The following RPS6KC1 variants were observed in gnomAD, a reference collection of about 807,000 sequenced individuals.
RPS6KC1 encodes the protein ribosomal protein S6 kinase C1.
RPS6KC1 carries 54 observed loss-of-function variants against 103.8 expected under a neutral mutation model. The ratio of observed to expected loss-of-function variants is 0.52; its 90% CI spans 0.42 to 0.65. RPS6KC1 has a LOEUF of 0.65. RPS6KC1 is among the 30% of genes least tolerant of loss of function. The pLI is 0.00. For synonymous variants in RPS6KC1, 439 were observed against 438.7 expected (o/e 1.00, Z -0.01); for missense variants, 1,151 against 1,253.8 (o/e 0.92, Z 1.24).
intron 8 of RPS6KC1, among the ~76,000 whole-genome samples, chr1:213,183,507 C>T (rs912761780): frequency 5.3e-5 from 8 of 151,800 alleles, no homozygotes; most frequent in Non-Finnish European, 1.0e-4. Flanking sequence ...ACAGGAAACT[C>T]GCCAAATACC....
chr1:213,540,844 C>CT, the RPS6KC1 span, among the ~76,000 whole-genome samples: 1 of 152,106 alleles, frequency 6.6e-6, no homozygotes. Flanking sequence ...ATTCTATATC[C>CT]TTTTTTGTCA....
chr1:213,602,092 CTTTCTTTCTTTCTTTCTT>C, the RPS6KC1 span, among the ~76,000 whole-genome samples: 2 of 36,438 alleles, frequency 5.5e-5, 1 homozygote, highest in African/African-American at 3.0e-4. Context: ...TTCTTTCTTT[CTTTCTTTCTTTCTTTCTT>C]TCTTTCTTTC....
the RPS6KC1 span, among the ~76,000 whole-genome samples, chr1:213,640,308 T>A: frequency 6.6e-6 from 1 of 151,982 alleles, no homozygotes. Context: ...TTTGTCAGTC[T>A]TCCTAGATGC....
chr1:213,435,449 GA>G, the RPS6KC1 span, among the ~76,000 whole-genome samples: 1 of 152,152 alleles, frequency 6.6e-6, no homozygotes, highest in Non-Finnish European at 1.5e-5. Flanking sequence ...TTGGGTACTA[GA>G]TATTTTTATA....
intron 8 of RPS6KC1, among the ~76,000 whole-genome samples, chr1:213,210,573 G>A (rs2093476169): frequency 1.3e-5 from 2 of 152,178 alleles, no homozygotes; most frequent in African/African-American, 2.4e-5. Flanking sequence ...TTGAGAATGA[G>A]TATTGTGCCT....
At chr1:213,830,443 C>T in the RPS6KC1 span, among the ~76,000 whole-genome samples, 5 of 152,100 alleles carry the variant, frequency 3.3e-5, no homozygotes, top group East Asian at 1.9e-4. Flanking sequence ...GCCTGACTCA[C>T]GAGCAGGTAG....
intron 12 of RPS6KC1, among the ~76,000 whole-genome samples, chr1:213,248,450 C>T (rs2094491578): frequency 6.6e-6 from 1 of 152,122 alleles, no homozygotes; most frequent in African/African-American, 2.4e-5. Context: ...TCTATTTATT[C>T]TTCAGGAGAA....
At chr1:213,153,088 G>C (rs922696031) in intron 6 of RPS6KC1, among the ~76,000 whole-genome samples, 4 of 152,236 alleles carry the variant, frequency 2.6e-5, no homozygotes, top group Admixed American at 6.5e-5. Flanking sequence ...AACCAGTCAG[G>C]CCTGGCGGCG....
chr1:213,325,720 A>G, the RPS6KC1 span, among the ~76,000 whole-genome samples: 1 of 152,190 alleles, frequency 6.6e-6, no homozygotes, highest in African/African-American at 2.4e-5. Flanking sequence ...CCCTATTGGA[A>G]GTTCCGGCAG....
the RPS6KC1 span, among the ~76,000 whole-genome samples, chr1:213,824,832 G>A: frequency 3.3e-5 from 5 of 152,204 alleles, no homozygotes; most frequent in African/African-American, 1.2e-4. Flanking sequence ...ATTACCCAGT[G>A]TTGGGTATGT....
At chr1:213,567,736 G>A in the RPS6KC1 span, among the ~76,000 whole-genome samples, 2 of 152,164 alleles carry the variant, frequency 1.3e-5, no homozygotes, top group Non-Finnish European at 2.9e-5. Context: ...CACGTGTAGA[G>A]GGATTAGCAG....
chr1:213,746,638 G>A, the RPS6KC1 span, among the ~76,000 whole-genome samples: 660 of 152,292 alleles, frequency 4.3e-3, 6 homozygotes, highest in African/African-American at 0.015. Context: ...AATTTGGGAG[G>A]CTGTATTGAG....
At chr1:213,263,264 G>C (rs2094840714) in intron 14 of RPS6KC1, among the ~76,000 whole-genome samples, 1 of 152,194 alleles carries the variant, frequency 6.6e-6, no homozygotes, top group Admixed American at 6.5e-5. Flanking sequence ...TGTCAAGTTA[G>C]ATACTTCATC....
chr1:213,301,317 A>T, the RPS6KC1 span, among the ~76,000 whole-genome samples: 1 of 152,324 alleles, frequency 6.6e-6, no homozygotes, highest in South Asian at 2.1e-4. Flanking sequence ...CTAGCTGTTG[A>T]GGTCAACAAT....
At chr1:213,108,127 A>G (rs1291380400) in intron 4 of RPS6KC1, among the ~76,000 whole-genome samples, 1 of 152,076 alleles carries the variant, frequency 6.6e-6, no homozygotes, top group Non-Finnish European at 1.5e-5. Context: ...TGTATAATTT[A>G]TATATATTTT....
intron 8 of RPS6KC1, among the ~76,000 whole-genome samples, chr1:213,186,843 C>G (rs1283709235): frequency 6.6e-6 from 1 of 152,170 alleles, no homozygotes; most frequent in East Asian, 1.9e-4. Flanking sequence ...CTTCATTCAT[C>G]TGCTTTGAGA....
the RPS6KC1 span, among the ~76,000 whole-genome samples, chr1:213,280,871 G>A: frequency 6.6e-6 from 1 of 152,150 alleles, no homozygotes; most frequent in Non-Finnish European, 1.5e-5. Context: ...TCCTTCATCT[G>A]TCTCTATGCT....
At chr1:213,124,841 G>A (rs1336995577) in intron 5 of RPS6KC1, among the ~76,000 whole-genome samples, 1 of 152,092 alleles carries the variant, frequency 6.6e-6, no homozygotes, top group Non-Finnish European at 1.5e-5. Flanking sequence ...AGGCTTTTCA[G>A]GCATGGTAAG....
the RPS6KC1 span, among the ~76,000 whole-genome samples, chr1:213,592,808 T>C: frequency 6.6e-6 from 1 of 152,202 alleles, no homozygotes; most frequent in Admixed American, 6.5e-5. Flanking sequence ...GCTTTGTGCT[T>C]ATATTCTAGT....
Sources: allele counts gnomAD v4.1 joint callset (sites outside exome capture counted in the v4.1 genomes callset), GRCh38; gene constraint gnomAD v4.1.1; transcripts MANE v1.5; gene names NCBI Gene and HGNC (gene_info 2026-07-23, HGNC 2026-07-21).